Variants in SHANK2 observed in about 807,000 individuals in gnomAD.
SHANK2 encodes the protein SH3 and multiple ankyrin repeat domains 2.
SHANK2 carries 43 observed loss-of-function variants against 133.7 expected under a neutral mutation model. That is an observed-to-expected ratio of 0.32 (90% confidence interval 0.25 to 0.41). The LOEUF (loss-of-function observed/expected upper bound fraction) is 0.41, where lower values mean the gene tolerates loss of function less well. SHANK2 is among the 10% of genes least tolerant of loss of function. SHANK2 has a pLI of 1.00. For synonymous variants in SHANK2, 1,017 were observed against 952.8 expected (o/e 1.07, Z -1.24); for missense variants, 1,994 against 2,235.8 (o/e 0.89, Z 2.18).
chr11:70,508,964 G>C (rs915712070), intron 17 of SHANK2, among the ~76,000 whole-genome samples: 1 of 152,202 alleles, frequency 6.6e-6, no homozygotes, highest in Non-Finnish European at 1.5e-5. Context: ...GGTGAGATCA[G>C]GGTGATGCTT....
At chr11:70,518,399 T>C (rs1554970454) in intron 17 of SHANK2, among the ~76,000 whole-genome samples, 2 of 152,162 alleles carry the variant, frequency 1.3e-5, no homozygotes, top group African/African-American at 4.8e-5. Context: ...GCCATTCTCA[T>C]GCCTAAAAAG....
chr11:70,490,830 C>A (rs2058876733), intron 22 of SHANK2, among the ~76,000 whole-genome samples: 1 of 152,222 alleles, frequency 6.6e-6, no homozygotes, highest in African/African-American at 2.4e-5. Context: ...TAGGAGCCAC[C>A]ATCTCCTCTT....
At chr11:71,218,077 C>T (rs1291455185) in intron 2 of SHANK2, among the ~76,000 whole-genome samples, 1 of 151,976 alleles carries the variant, frequency 6.6e-6, no homozygotes, top group Non-Finnish European at 1.5e-5. Context: ...GTCTCGATCT[C>T]CTTACCTTGT....
chr11:70,650,925 G>A (rs540096402), intron 17 of SHANK2, among the ~76,000 whole-genome samples: 1 of 152,246 alleles, frequency 6.6e-6, no homozygotes, highest in Non-Finnish European at 1.5e-5. Flanking sequence ...AAATGAATGA[G>A]TGAAGCTTCA....
At chr11:70,605,347 G>A (rs2060561559) in intron 17 of SHANK2, among the ~76,000 whole-genome samples, 1 of 152,246 alleles carries the variant, frequency 6.6e-6, no homozygotes, top group African/African-American at 2.4e-5. Context: ...ACGCCCAGAA[G>A]GCAGCAAGCG....
At chr11:70,662,769 G>A (rs993107584) in intron 15 of SHANK2, among the ~76,000 whole-genome samples, 9 of 152,072 alleles carry the variant, frequency 5.9e-5, no homozygotes, top group African/African-American at 1.7e-4. Context: ...TTTCCTGCTG[G>A]CACTCGCCAC....
At chr11:70,849,915 G>A (rs1555064966) in intron 11 of SHANK2, among the ~76,000 whole-genome samples, 1 of 152,116 alleles carries the variant, frequency 6.6e-6, no homozygotes, top group African/African-American at 2.4e-5. Context: ...TATTCACAGT[G>A]TTAGGTGACC....
chr11:70,586,070 G>C (rs1253277500), intron 17 of SHANK2, among the ~76,000 whole-genome samples: 3 of 152,166 alleles, frequency 2.0e-5, no homozygotes, highest in African/African-American at 7.2e-5. Flanking sequence ...AACTGAACAA[G>C]TAGCCACGAG....
chr11:70,692,324 T>A (rs142120890), intron 15 of SHANK2, among the ~76,000 whole-genome samples: 39 of 152,320 alleles, frequency 2.6e-4, no homozygotes, highest in African/African-American at 9.4e-4. Flanking sequence ...ATATAGCACA[T>A]GCCTCTTAGG....
intron 15 of SHANK2, among the ~76,000 whole-genome samples, chr11:70,676,569 C>T (rs1413119841): frequency 3.9e-5 from 6 of 152,220 alleles, no homozygotes; most frequent in Admixed American, 6.5e-5. Flanking sequence ...CCTCTGGACT[C>T]GCCATTGTGG....
Position 70,492,437 on chromosome 11 carries a change from G to A in SHANK2, c.2337C>T (p.Ser779=), listed in dbSNP as rs542661025. 1.4e-5 allele frequency: 23 copies of A among 1,614,036 alleles called. No individual in the cohort carries two copies. The South Asian group carries it at 2.3e-4, about 16-fold the overall frequency. ...TGTTCTCAGCAGCGCGGGAGGGCTT[G>A]GAGGCCGGGACTATCTCCTCGGGTT... ...KDKPEEIVPA[S]KPSRAAENMA... The change falls in exon 22 of 26, where the codon TCC becomes TCT. Residue 779 remains serine, a synonymous_variant. Coordinates refer to ENST00000601538, the MANE Select transcript of SHANK2 (RefSeq NM_012309.5).
intron 17 of SHANK2, among the ~76,000 whole-genome samples, chr11:70,625,244 C>T (rs898118118): frequency 1.7e-4 from 26 of 152,150 alleles, no homozygotes; most frequent in African/African-American, 5.3e-4. Context: ...TGTGACAACA[C>T]GCATGGGGCA....
chr11:70,584,024 C>T (rs1228677159), intron 17 of SHANK2, among the ~76,000 whole-genome samples: 8 of 152,170 alleles, frequency 5.3e-5, no homozygotes, highest in South Asian at 4.1e-4. Flanking sequence ...GCAGCCACCG[C>T]GAGCATGCTC....
At chr11:71,061,404 A>C (rs1386872525) in intron 9 of SHANK2, among the ~76,000 whole-genome samples, 1 of 152,248 alleles carries the variant, frequency 6.6e-6, no homozygotes, top group African/African-American at 2.4e-5. Flanking sequence ...TGGACATATT[A>C]ACAACGGTCT....
intron 11 of SHANK2, among the ~76,000 whole-genome samples, chr11:70,822,055 C>T (rs1452628698): frequency 2.0e-5 from 3 of 152,234 alleles, no homozygotes; most frequent in Admixed American, 6.5e-5. Flanking sequence ...CCTAAGACAG[C>T]GAGTGCCCTT....
At chr11:70,855,782 G>C (rs1015697534) in intron 11 of SHANK2, among the ~76,000 whole-genome samples, 2 of 152,246 alleles carry the variant, frequency 1.3e-5, no homozygotes, top group Non-Finnish European at 2.9e-5. Context: ...TAAATCGATG[G>C]CAGGATGGGT....
At chr11:70,899,149 A>G (rs112622579) in intron 10 of SHANK2, among the ~76,000 whole-genome samples, 1,836 of 152,286 alleles carry the variant, frequency 0.012, 38 homozygotes, top group African/African-American at 0.043. Context: ...GTGTGTCCCC[A>G]TCCAAATCTT....
chr11:70,597,512 A>G (rs2060417635), intron 17 of SHANK2, among the ~76,000 whole-genome samples: 1 of 151,916 alleles, frequency 6.6e-6, no homozygotes, highest in Admixed American at 6.6e-5. Context: ...GAGGGTAGAG[A>G]GGATAAGAGA....
chr11:70,585,611 C>A (rs140930581), intron 17 of SHANK2, among the ~76,000 whole-genome samples: 209 of 151,980 alleles, frequency 1.4e-3, no homozygotes, highest in African/African-American at 4.6e-3. Context: ...ATTCACCCAT[C>A]CATCCATCTC....
Sources: allele counts gnomAD v4.1 joint callset (sites outside exome capture counted in the v4.1 genomes callset), GRCh38; gene constraint gnomAD v4.1.1; transcripts MANE v1.5; gene names NCBI Gene and HGNC (gene_info 2026-07-23, HGNC 2026-07-21).